The following RAPGEF5 variants were observed in gnomAD, a reference collection of about 807,000 sequenced individuals.
The protein encoded by RAPGEF5 is M-Ras-regulated GEF.
A neutral mutation model predicts 125.2 loss-of-function variants in RAPGEF5; 65 were observed. The ratio of observed to expected loss-of-function variants is 0.52; its 90% CI spans 0.43 to 0.64. RAPGEF5 has a LOEUF of 0.64. Ranked by LOEUF, RAPGEF5 falls within the 30% of genes least tolerant of loss-of-function variation. RAPGEF5 has a pLI of 0.00. For synonymous variants in RAPGEF5, 391 were observed against 385.9 expected, an observed-to-expected ratio of 1.01 and a Z score of -0.16; for missense variants, 958 against 1,048.1, an observed-to-expected ratio of 0.91 and a Z score of 1.19.
chr7:22,308,268 AT>A lies in RAPGEF5; in HGVS notation c.680+70del, dbSNP rs1364085863. The A allele has an allele frequency of 8.6e-6, 12 of 1,394,932 alleles. No homozygotes were observed. The African/African-American group carries it at 1.5e-4, about 17-fold the overall frequency. 86.4% of individuals were successfully genotyped at this position (1,394,932 alleles called of 1,614,324 possible). A position where few individuals can be genotyped will look rare whatever the true frequency, so the allele number is the denominator to read the frequency against. On this transcript the variant is annotated intron_variant, in intron 5 of 25. Transcript: ENST00000665637. ...TGAGACAGTGATCTTAAAGAGCAGA[AT>A]ATAGTCCCTAGACATGGTAAATGTT... is the stretch of plus-strand genomic sequence containing the variant.
At chr7:22,337,028 C>T (rs1784039589) in intron 1 of RAPGEF5, among the ~76,000 whole-genome samples, 1 of 152,184 alleles carries the variant, frequency 6.6e-6, no homozygotes, top group Non-Finnish European at 1.5e-5. Context: ...ATCTTGCCTG[C>T]TGCCCAGATA....
At chr7:22,296,004 G>A (rs1236250657) in intron 5 of RAPGEF5, among the ~76,000 whole-genome samples, 1 of 152,008 alleles carries the variant, frequency 6.6e-6, no homozygotes, top group Non-Finnish European at 1.5e-5. Context: ...AAACCAGGCA[G>A]GGTAAGGAGA....
chr7:22,350,775 T>C (rs1351717714), intron 1 of RAPGEF5, among the ~76,000 whole-genome samples: 2 of 152,222 alleles, frequency 1.3e-5, no homozygotes, highest in Non-Finnish European at 2.9e-5. Context: ...TAAATGAATC[T>C]ACAGTTTCTT....
intron 14 of RAPGEF5, 41 bp from the exon 15 acceptor site, chr7:22,157,926 C>T (rs757655174): frequency 6.4e-7 from 1 of 1,566,496 alleles, no homozygotes; most frequent in Non-Finnish European, 8.8e-7. Flanking sequence ...TTGTCTCAAA[C>T]CCAGAATAAT....
At position 22,156,547 on chromosome 7, in the gene RAPGEF5, A is replaced by C. The variant is rs139717895; in HGVS notation, c.1636+263T>G. 2.6e-5 allele frequency among the ~76,000 whole-genome samples: 4 copies of C among 152,364 alleles called. No homozygotes were observed. The East Asian group carries it at 5.8e-4, about 22-fold the overall frequency. ...CCGTTCATTTTTACCTCTTCTCAAG[A>C]ATGCAAGGAGGCTCTAGGCATTGTC... is the stretch of plus-strand genomic sequence containing the variant. On this transcript the variant is annotated intron_variant, in intron 16 of 25. Transcript: ENST00000665637.
At chr7:22,155,998 C>T (rs1242750144) in intron 16 of RAPGEF5, among the ~76,000 whole-genome samples, 4 of 152,160 alleles carry the variant, frequency 2.6e-5, no homozygotes, top group Middle Eastern at 3.2e-3. Context: ...TCACTTGGTA[C>T]GGATGACACT....
chr7:22,144,941 C>G (rs189350843), intron 20 of RAPGEF5, 103 bp downstream of exon 20: 1 of 1,319,474 alleles, frequency 7.6e-7, no homozygotes, highest in Non-Finnish European at 1.0e-6. Flanking sequence ...CCATATTACA[C>G]GTTTATATCC....
At chr7:22,356,760 G>A in intron 1 of RAPGEF5, 70 bp downstream of exon 1, 1 of 879,500 alleles carries the variant, frequency 1.1e-6, no homozygotes, top group Non-Finnish European at 1.4e-6. Flanking sequence ...CCCCTCAGCG[G>A]CCCGGGGGGT....
chr7:22,311,511 A>G (rs1373005167), intron 3 of RAPGEF5, among the ~76,000 whole-genome samples: 1 of 152,144 alleles, frequency 6.6e-6, no homozygotes, highest in Non-Finnish European at 1.5e-5. Context: ...TGGATGCTAC[A>G]TTTTCTGGGG....
intron 1 of RAPGEF5, among the ~76,000 whole-genome samples, chr7:22,330,140 A>G (rs914638675): frequency 1.3e-5 from 2 of 152,260 alleles, no homozygotes; most frequent in African/African-American, 4.8e-5. Context: ...CGACACATAA[A>G]GGATTAAGAA....
intron 7 of RAPGEF5, among the ~76,000 whole-genome samples, chr7:22,254,086 A>G (rs1349531048): frequency 6.6e-6 from 1 of 152,218 alleles, no homozygotes; most frequent in Non-Finnish European, 1.5e-5. Context: ...TCTTTGGAAT[A>G]TTCTGCTCCA....
intron 6 of RAPGEF5, among the ~76,000 whole-genome samples, chr7:22,273,799 C>T (rs1336298280): frequency 6.6e-6 from 1 of 152,106 alleles, no homozygotes; most frequent in African/African-American, 2.4e-5. Context: ...GAATGGATAA[C>T]AGTGTTTTTA....
intron 25 of RAPGEF5, 41 bp downstream of exon 25, chr7:22,125,561 CGT>C (rs767293196): frequency 6.5e-7 from 1 of 1,549,852 alleles, no homozygotes; most frequent in South Asian, 1.1e-5. Context: ...TTGGTACCAA[CGT>C]AGAGTCAATT....
intron 23 of RAPGEF5, among the ~76,000 whole-genome samples, chr7:22,131,329 G>A (rs1036342124): frequency 6.6e-6 from 1 of 152,148 alleles, no homozygotes; most frequent in African/African-American, 2.4e-5. Flanking sequence ...TGACCTTACT[G>A]AAAGTATATA....
At chr7:22,337,888 T>C (rs1270838149) in intron 1 of RAPGEF5, among the ~76,000 whole-genome samples, 2 of 152,242 alleles carry the variant, frequency 1.3e-5, no homozygotes, top group Admixed American at 6.5e-5. Flanking sequence ...TTATATCTAA[T>C]GTAAAATATG....
intron 1 of RAPGEF5, among the ~76,000 whole-genome samples, chr7:22,320,042 G>A (rs1170389726): frequency 1.3e-5 from 2 of 152,174 alleles, no homozygotes; most frequent in Admixed American, 1.3e-4. Context: ...AAGCAATGGG[G>A]TTCTTCTATA....
Position 22,356,989 on chromosome 7 carries a change from C to A in RAPGEF5, c.72G>T (p.Ala24=). 2.0e-6 allele frequency: 2 copies of A among 1,025,264 alleles called. No homozygotes were observed. The highest frequency in any genetic ancestry group is 2.3e-6 in the Non-Finnish European group (2 of 858,004). The allele number at this position is 1,025,264 out of a possible 1,614,324, so 63.5% of individuals were successfully genotyped here. Residue 24 remains alanine, a synonymous_variant, in exon 1 of 26, where the codon GCG becomes GCT. Coordinates refer to ENST00000665637, the MANE Select transcript of RAPGEF5 (RefSeq NM_012294.5). Reference sequence around the variant, plus strand: ...GCAGGGGGCCGTCTGCCGCCACCACCGCCGCCGCGGCGGCCAGGGCCGGGC... The same window carrying A: ...GCAGGGGGCCGTCTGCCGCCACCACAGCCGCCGCGGCGGCCAGGGCCGGGC... ...CESPALAAAA[A]VVAADGPLRR...
At chr7:22,252,392 C>T (rs546731916) in intron 7 of RAPGEF5, among the ~76,000 whole-genome samples, 1 of 152,282 alleles carries the variant, frequency 6.6e-6, no homozygotes, top group Middle Eastern at 3.4e-3. Flanking sequence ...GACTGAAGTG[C>T]CCCAAGTATT....
rs1052953681 is a variant in RAPGEF5, at chr7:22,166,653, C to T, written c.1283+417G>A. Among the ~76,000 whole-genome samples the T allele has an allele frequency of 5.9e-5, 9 of 152,316 alleles. No homozygotes were observed. The South Asian group carries it at 1.0e-3, about 18-fold the overall frequency. ...TCTCCCCTGAGATACTTGCCAGGAA[C>T]ATTATATCACATATGTGCATTTTCC... is the stretch of plus-strand genomic sequence containing the variant. On this transcript the variant is annotated intron_variant, in intron 12 of 25. Transcript: ENST00000665637.
Sources: allele counts gnomAD v4.1 joint callset (sites outside exome capture counted in the v4.1 genomes callset), GRCh38; gene constraint gnomAD v4.1.1; transcripts MANE v1.5; gene names NCBI Gene and HGNC (gene_info 2026-07-23, HGNC 2026-07-21).